Variants in KDM2A observed in about 807,000 individuals in gnomAD.
The protein encoded by KDM2A is lysine demethylase 2A, also known as lysine-specific demethylase 2A.
KDM2A carries 3 observed loss-of-function variants against 137.3 expected under a neutral mutation model. That is an observed-to-expected ratio of 0.02 (90% CI 0.01 to 0.06). KDM2A has a LOEUF of 0.06. Among genes scored for constraint, KDM2A ranks in the 10% least tolerant of loss-of-function variants. The pLI is 1.00. For missense variants in KDM2A, 738 were observed against 1,510.6 expected (o/e 0.49, Z 8.48); for synonymous variants, 512 against 541.5 (o/e 0.95, Z 0.76).
At chr11:67,212,090 G>A (rs937570692) in intron 6 of KDM2A, among the ~76,000 whole-genome samples, 4 of 152,160 alleles carry the variant, frequency 2.6e-5, no homozygotes, top group African/African-American at 9.7e-5. Context: ...GAGCCCAGGA[G>A]TTTGAGGCAG....
intron 17 of KDM2A, among the ~76,000 whole-genome samples, chr11:67,251,995 T>A (rs1859444157): frequency 6.6e-6 from 1 of 152,206 alleles, no homozygotes; most frequent in African/African-American, 2.4e-5. Context: ...GGGCAGGGGC[T>A]ATAAAATATT....
intron 5 of KDM2A, among the ~76,000 whole-genome samples, chr11:67,189,558 G>A (rs1857295069): frequency 6.6e-6 from 1 of 152,052 alleles, no homozygotes; most frequent in African/African-American, 2.4e-5. Flanking sequence ...ACCTTATCTC[G>A]GCCGGGCGAG....
At chr11:67,217,668 G>A in intron 8 of KDM2A, 63 bp from the exon 9 acceptor site, 4 of 1,538,560 alleles carry the variant, frequency 2.6e-6, no homozygotes, top group Non-Finnish European at 3.6e-6. Context: ...CTGTTTATCA[G>A]TTGAGGGAGA....
chr11:67,207,794 G>C, intron 6 of KDM2A, 106 bp downstream of exon 6: 2 of 863,316 alleles, frequency 2.3e-6, no homozygotes, highest in Non-Finnish European at 3.4e-6. Flanking sequence ...GGAGGCCAAG[G>C]GAGGCAGATC....
At chr11:67,240,938 C>T (rs1402747828) in intron 12 of KDM2A, among the ~76,000 whole-genome samples, 2 of 152,160 alleles carry the variant, frequency 1.3e-5, no homozygotes, top group Non-Finnish European at 2.9e-5. Flanking sequence ...ACACACACAC[C>T]GACACAGTTT....
intron 10 of KDM2A, among the ~76,000 whole-genome samples, chr11:67,221,260 C>T (rs1858338928): frequency 6.6e-6 from 1 of 152,136 alleles, no homozygotes; most frequent in South Asian, 2.1e-4. Flanking sequence ...TCTCAAGTAG[C>T]TTAGCAGAAT....
chr11:67,245,468 C>CT lies in KDM2A; in HGVS notation c.1833+11dup. The CT allele has an allele frequency of 6.2e-7, 1 of 1,611,498 alleles. No individual in the cohort carries two copies. Among genetic ancestry groups the CT allele is most frequent in the East Asian group, 2.2e-5 (1 of 44,842 alleles). On this transcript the variant is annotated intron_variant, in intron 14 of 20. Coordinates refer to ENST00000529006, the MANE Select transcript of KDM2A (RefSeq NM_012308.3). This position sits in a 1 kb window ranked among gnomAD's most constrained non-coding sequence, Gnocchi z 4.1. ...CCGACAGTGCTTGGCAGTGAGTGATCTGCTGGGTAAAGAATTTTGGGGAGG... is the reference window on the plus strand; with the variant it reads ...CCGACAGTGCTTGGCAGTGAGTGATCTTGCTGGGTAAAGAATTTTGGGGAGG...
Position 67,254,471 on chromosome 11 carries a change from C to A in KDM2A, c.3307+53C>A. ...GCGGTGCCCCCTGCCTCCAGCCCTC[C>A]CTGGAACTTGATCAGTAAACCAGAA... is the stretch of plus-strand genomic sequence containing the variant. On this transcript the variant is annotated intron_variant, in intron 20 of 20. Transcript: ENST00000529006. The surrounding 1 kb of genome is among the most constrained non-coding windows in gnomAD (Gnocchi z 4.7). The A allele has an allele frequency of 6.7e-7, 1 of 1,487,070 alleles. No homozygotes were observed. Among genetic ancestry groups the A allele is most frequent in the Non-Finnish European group, 9.4e-7 (1 of 1,068,282 alleles). The allele number at this position is 1,487,070 out of a possible 1,614,324, so 92.1% of individuals were successfully genotyped here.
At chr11:67,207,192 C>T (rs916233451) in intron 5 of KDM2A, among the ~76,000 whole-genome samples, 1 of 152,180 alleles carries the variant, frequency 6.6e-6, no homozygotes, top group Non-Finnish European at 1.5e-5. Context: ...AGTTACCTAA[C>T]ATCTGCTTTC....
At chr11:67,215,485 G>GTCTCCCACAGCACAC in intron 7 of KDM2A, 39 bp downstream of exon 7, 1 of 1,348,162 alleles carries the variant, frequency 7.4e-7, no homozygotes, top group Non-Finnish European at 1.1e-6. Flanking sequence ...GTGTGCTGTG[G>GTCTCCCACAGCACAC]GAGACCAAAG....
intron 2 of KDM2A, among the ~76,000 whole-genome samples, chr11:67,163,373 G>C (rs1375258551): frequency 3.3e-5 from 5 of 152,146 alleles, no homozygotes; most frequent in African/African-American, 1.2e-4. Flanking sequence ...AAGAGATTTA[G>C]AGATGGAATC....
chr11:67,255,791 C>A lies in KDM2A; in HGVS notation c.*736C>A, dbSNP rs768918466. ...CTTCAGAGGAGCTGGAACTGTCTACCCCAGGGACACACCCATTTCGTTGCT... is the reference window on the plus strand; with the variant it reads ...CTTCAGAGGAGCTGGAACTGTCTACACCAGGGACACACCCATTTCGTTGCT... On this transcript the variant is annotated 3_prime_UTR_variant, in exon 21 of 21. Transcript: ENST00000529006. 2 of 312,826 alleles carry A rather than the reference C, an allele frequency of 6.4e-6. No homozygotes were observed. Among genetic ancestry groups the A allele is most frequent in the Non-Finnish European group, 1.3e-5 (2 of 156,024 alleles). The allele number at this position is 312,826 out of a possible 1,614,324, so 19.4% of individuals were successfully genotyped here. A position where few individuals can be genotyped will look rare whatever the true frequency, so the allele number is the denominator to read the frequency against.
intron 2 of KDM2A, among the ~76,000 whole-genome samples, chr11:67,133,822 C>T (rs1397039392): frequency 1.3e-5 from 2 of 151,840 alleles, no homozygotes; most frequent in Non-Finnish European, 2.9e-5. Flanking sequence ...CTGCCTCAGC[C>T]AGCTGGGTTT....
At chr11:67,165,364 T>C (rs1417375303) in intron 2 of KDM2A, among the ~76,000 whole-genome samples, 2 of 152,078 alleles carry the variant, frequency 1.3e-5, no homozygotes, top group Non-Finnish European at 2.9e-5. Context: ...TCAGATGATC[T>C]GCCCACCTCA....
intron 2 of KDM2A, among the ~76,000 whole-genome samples, chr11:67,160,764 T>C (rs1219983222): frequency 1.3e-5 from 2 of 151,044 alleles, no homozygotes; most frequent in African/African-American, 2.4e-5. Context: ...AGAGTGAAAC[T>C]CCATCTCAAA....
At chr11:67,217,240 CAAAAAAA>C (rs544615414) in intron 8 of KDM2A, among the ~76,000 whole-genome samples, 48 of 50,528 alleles carry the variant, frequency 9.5e-4, no homozygotes, top group South Asian at 8.0e-3. Flanking sequence ...GAAACTCTGT[CAAAAAAA>C]AAAAAAAAAA....
chr11:67,244,145 C>G (rs1178448356), intron 13 of KDM2A, among the ~76,000 whole-genome samples: 1 of 152,188 alleles, frequency 6.6e-6, no homozygotes. Context: ...TTGGCCTCTG[C>G]TTGGCCACAG....
intron 2 of KDM2A, among the ~76,000 whole-genome samples, chr11:67,169,502 C>T (rs371980237): frequency 8.0e-5 from 12 of 150,812 alleles, no homozygotes; most frequent in East Asian, 3.9e-4. Context: ...GCCTCAGCCT[C>T]CTGAGTAGCT....
intron 2 of KDM2A, among the ~76,000 whole-genome samples, chr11:67,152,919 T>A (rs1231477162): frequency 1.7e-5 from 2 of 116,860 alleles, no homozygotes; most frequent in African/African-American, 5.1e-5. Flanking sequence ...TGTGTGTGTG[T>A]GTGTGTGTGT....
Sources: gnomAD v4.1 joint callset for allele counts (sites outside exome capture counted in the v4.1 genomes callset) on GRCh38, gnomAD v4.1.1 for gene constraint, Gnocchi (gnomAD v3.1) non-coding constraint, MANE v1.5 for transcripts, NCBI Gene and HGNC (gene_info 2026-07-23, HGNC 2026-07-21) for gene names.